The following CDH16 variants were observed in gnomAD, a reference collection of about 807,000 sequenced individuals.
CDH16 encodes the protein cadherin-16.
CDH16 carries 79 observed loss-of-function variants against 87.6 expected under a neutral mutation model. The ratio of observed to expected loss-of-function variants is 0.90; its 90% confidence interval spans 0.75 to 1.09. CDH16 has a LOEUF of 1.09. Among genes scored for constraint, CDH16 ranks in the 50% least tolerant of loss-of-function variants. The probability of loss-of-function intolerance (pLI) is 0.00; values close to 1 mark genes in which losing one functional copy is unlikely to be tolerated. For missense variants in CDH16, 1,124 were observed against 1,071.7 expected, an observed-to-expected ratio of 1.05 and a Z score of -0.68; for synonymous variants, 457 against 439.5, an observed-to-expected ratio of 1.04 and a Z score of -0.50.
In CDH16 at chr16:66,916,282, G is replaced by C; in HGVS notation, c.277C>G (p.Gln93Glu). Residue 93 changes from glutamine to glutamate, a missense_variant, in exon 4 of 18, where the codon CAG becomes GAG. By Grantham distance (29) the Gln-to-Glu change is conservative. Transcript: ENST00000299752. This position sits in a 1 kb window ranked among gnomAD's most constrained non-coding sequence, Gnocchi z 4.1. ...ACCTGGCCCAGCCATACCTGTAGCT[G>C]GTACTCTGCCTGCTCCTCTCGGTCC... Reference protein sequence around the residue: ...ALDREEQAEYQLQVTLEMQDG... With the variant: ...ALDREEQAEYELQVTLEMQDG... 6.2e-7 allele frequency: 1 copy of C among 1,613,724 alleles called. No homozygotes were observed. The highest frequency in any genetic ancestry group is 8.5e-7 in the Non-Finnish European group (1 of 1,179,618).
intron 8 of CDH16, 48 bp downstream of exon 8, chr16:66,913,443 C>G (rs776189539): frequency 6.2e-7 from 1 of 1,611,668 alleles, no homozygotes; most frequent in South Asian, 1.1e-5. Context: ...CAACTGGACA[C>G]TGACCAAGCA....
At chr16:66,914,006 G>A (rs1002223477) in intron 7 of CDH16, among the ~76,000 whole-genome samples, 7 of 152,348 alleles carry the variant, frequency 4.6e-5, no homozygotes, top group African/African-American at 1.7e-4. Context: ...ACAGAGTCAC[G>A]CCTGCTAGAG....
chr16:66,914,840 T>C (rs1962607594), intron 6 of CDH16, among the ~76,000 whole-genome samples: 1 of 152,160 alleles, frequency 6.6e-6, no homozygotes, highest in African/African-American at 2.4e-5. Flanking sequence ...CTGGCTATGA[T>C]GATGCCTGAT....
In CDH16 at chr16:66,914,280, A is replaced by T; in HGVS notation, c.716T>A (p.Val239Glu). Reference protein sequence around the residue: ...VEVSIIESTWVSLEPIHLAEN... With the variant: ...VEVSIIESTWESLEPIHLAEN... ...TGCCAGGTGGATAGGCTCTAGGGAC[A>T]CCCAGGTGCTCTCTATGATGGAGAC... Residue 239 changes from valine to glutamate, a missense_variant, in exon 7 of 18, where the codon GTG becomes GAG. By Grantham distance (121) the Val-to-Glu change is moderately radical (BLOSUM62 -2). Transcript: ENST00000299752. The T allele has an allele frequency of 6.2e-7, 1 of 1,614,184 alleles. No homozygotes were observed. Among genetic ancestry groups the T allele is most frequent in the African/African-American group, 1.3e-5 (1 of 75,044 alleles).
intron 5 of CDH16, among the ~76,000 whole-genome samples, 144 bp downstream of exon 5, chr16:66,915,907 GAAAAAAAGAAAAGA>G (rs1032525694): frequency 3.4e-4 from 51 of 150,354 alleles, no homozygotes; most frequent in Middle Eastern, 3.5e-3. Flanking sequence ...TCAAAAAAAA[GAAAAAAAGAAAAGA>G]AAAAAGAGAA....
rs112552212 is a variant in CDH16, at chr16:66,912,991, C to CGTGTGTGTGTGT, written c.1055-112_1055-101dup. 10 of 1,115,070 alleles carry CGTGTGTGTGTGT rather than the reference C, an allele frequency of 9.0e-6. No individual in the cohort carries two copies. The African/African-American group carries it at 1.1e-4, about 12-fold the overall frequency. 69.1% of individuals were successfully genotyped at this position (1,115,070 alleles called of 1,614,324 possible). ...TGCCAAACTAAACTGAATTTGAGCT[C>CGTGTGTGTGTGT]GTGTGTGTGTGTGTGTGTGTGTGTG... On this transcript the variant is annotated intron_variant, in intron 9 of 17. Coordinates refer to ENST00000299752, the MANE Select transcript of CDH16 (RefSeq NM_004062.4).
chr16:66,910,260 CA>C lies in CDH16; in HGVS notation c.2166del (p.Asn722LysfsTer20). The C allele has an allele frequency of 6.3e-7, 1 of 1,595,046 alleles. No homozygotes were observed. Among genetic ancestry groups the C allele is most frequent in the Non-Finnish European group, 8.5e-7 (1 of 1,169,598 alleles). The stretch of plus-strand genomic sequence containing the variant: ...CTCCCTCCCTTTCCCCACCACACAC[CA>C]TTGAGAGTCTGGAGGCGCCAATCCC... Reference protein sequence around the residue: ...VQRDWRLQTLNGSHAYLTLAL... With the variant: ...VQRDWRLQTLXGSHAYLTLAL... On this transcript the variant is annotated frameshift_variant and splice_region_variant, in exon 15 of 18. Transcript: ENST00000299752. LOFTEE classifies it high-confidence loss of function.
Position 66,909,888 on chromosome 16 carries a change from T to C in CDH16, c.2275+98A>G, listed in dbSNP as rs1962330505. The C allele has an allele frequency of 3.5e-5, 30 of 852,770 alleles. No homozygotes were observed. In the South Asian group the frequency reaches 4.6e-4, roughly 13 times the overall value. The allele number at this position is 852,770 out of a possible 1,614,324, so 52.8% of individuals were successfully genotyped here. A position where few individuals can be genotyped will look rare whatever the true frequency, so the allele number is the denominator to read the frequency against. On this transcript the variant is annotated intron_variant, in intron 16 of 17. Coordinates refer to ENST00000299752, the MANE Select transcript of CDH16 (RefSeq NM_004062.4). This position sits in a 1 kb window ranked among gnomAD's most constrained non-coding sequence, Gnocchi z 4.1. ...TGCAAGTGTGCACAGGCATGTGCTG[T>C]CCACATGAGCAGCCTGTATGCATGT...
Position 66,911,937 on chromosome 16 carries a change from C to G in CDH16, c.1752G>C (p.Leu584=). Residue 584 remains leucine, a synonymous_variant, in exon 13 of 18, where the codon CTG becomes CTC. Coordinates refer to ENST00000299752, the MANE Select transcript of CDH16 (RefSeq NM_004062.4). The part of the protein sequence containing the change: ...PISAPAGSFL[L]TIQPSDPISR... ...TGATGGGGTCGGAGGGCTGGATGGT[C>G]AGCAGGAAAGAGCCGGCTGGGGCAC... 6.2e-7 allele frequency: 1 copy of G among 1,611,612 alleles called. No individual in the cohort carries two copies. The highest frequency in any genetic ancestry group is 8.5e-7 in the Non-Finnish European group (1 of 1,178,156).
At chr16:66,917,789 A>G (rs1962752730) in intron 2 of CDH16, 64 bp from the exon 3 acceptor site, 2 of 1,408,386 alleles carry the variant, frequency 1.4e-6, no homozygotes, top group East Asian at 2.4e-5. Flanking sequence ...GAGACCCAAC[A>G]GAAGAGCGGA....
chr16:66,909,929 C>G lies in CDH16; in HGVS notation c.2275+57G>C. The stretch of plus-strand genomic sequence containing the variant: ...GTATGCATGTGTACCAGCTCCCTCC[C>G]CTTGCATCCCAGCGGTTCCCTCAGG... On this transcript the variant is annotated intron_variant, in intron 16 of 17. Transcript: ENST00000299752. This position sits in a 1 kb window ranked among gnomAD's most constrained non-coding sequence, Gnocchi z 4.1. 1 of 1,286,368 alleles carries G rather than the reference C, an allele frequency of 7.8e-7. No individual in the cohort carries two copies. Among genetic ancestry groups the G allele is most frequent in the Non-Finnish European group, 1.1e-6 (1 of 906,048 alleles). The allele number at this position is 1,286,368 out of a possible 1,614,324, so 79.7% of individuals were successfully genotyped here. A position where few individuals can be genotyped will look rare whatever the true frequency, so the allele number is the denominator to read the frequency against.
chr16:66,912,192 C>T lies in CDH16; in HGVS notation c.1548+50G>A, dbSNP rs1341434747. 4 of 1,600,692 alleles carry T rather than the reference C, an allele frequency of 2.5e-6. No individual in the cohort carries two copies. In the Admixed American group the frequency reaches 5.1e-5, roughly 20 times the overall value. On this transcript the variant is annotated intron_variant, in intron 12 of 17. Transcript: ENST00000299752. ...TGCGGGCCTGGGCAAGGCACATGTG[C>T]ATGCATGCGTGCATGTGTGGGCCCC...
At chr16:66,912,200 C>T (rs558252311) in intron 12 of CDH16, 42 bp downstream of exon 12, 21 of 1,598,964 alleles carry the variant, frequency 1.3e-5, no homozygotes, top group South Asian at 4.5e-5. Flanking sequence ...TGCATGCATG[C>T]GTGCATGTGT....
chr16:66,913,574 T>C lies in CDH16; in HGVS notation c.820A>G (p.Ser274Gly), dbSNP rs145138274. The C allele has an allele frequency of 5.6e-6, 9 of 1,613,920 alleles. No individual in the cohort carries two copies. In the African/African-American group the frequency reaches 1.2e-4, roughly 22 times the overall value. The change falls in exon 8 of 18, where the codon AGC (serine) becomes GGC (glycine). Residue 274 changes from serine to glycine, a missense_variant. Coordinates refer to ENST00000299752, the MANE Select transcript of CDH16 (RefSeq NM_004062.4). ...SGGDVHYHLE[S>G]HPPGPFEVNA... ...ACTTCAAAGGGTCCCGGGGGATGGCTCTCCAGGTGATAGTGCACATCACCC... is the reference window on the plus strand; with the variant it reads ...ACTTCAAAGGGTCCCGGGGGATGGCCCTCCAGGTGATAGTGCACATCACCC...
In CDH16 at chr16:66,913,188, C is replaced by A; in HGVS notation, c.997G>T (p.Val333Leu). 1 of 1,605,966 alleles carries A rather than the reference C, an allele frequency of 6.2e-7. No homozygotes were observed. Among genetic ancestry groups the A allele is most frequent in the Non-Finnish European group, 8.5e-7 (1 of 1,176,218 alleles). Residue 333 changes from valine (V) to leucine (L), a missense_variant, in exon 9 of 18, where the codon GTG becomes TTG. Coordinates refer to ENST00000299752, the MANE Select transcript of CDH16 (RefSeq NM_004062.4). ...GGGTCACGGGGAGGGCAGATAGGCACGTTGTCATTCTCATCCATCACCAGC... is the reference window on the plus strand; with the variant it reads ...GGGTCACGGGGAGGGCAGATAGGCAAGTTGTCATTCTCATCCATCACCAGC... ...HVLVMDENDN[V>L]PICPPRDPTV...
intron 1 of CDH16, among the ~76,000 whole-genome samples, 167 bp downstream of exon 1, chr16:66,918,637 C>T (rs1962796371): frequency 1.3e-5 from 2 of 152,198 alleles, no homozygotes; most frequent in South Asian, 4.1e-4. Flanking sequence ...CATTTTCCAG[C>T]CCTTGTCATG....
At chr16:66,915,915 G>T in intron 5 of CDH16, 150 bp downstream of exon 5, 2 of 987,520 alleles carry the variant, frequency 2.0e-6, no homozygotes, top group Non-Finnish European at 1.5e-6. Context: ...AAGAAAAAAA[G>T]AAAAGAAAAA....
chr16:66,917,133 A>G (rs1005107170), intron 3 of CDH16, among the ~76,000 whole-genome samples: 3 of 88,982 alleles, frequency 3.4e-5, no homozygotes, highest in African/African-American at 2.8e-4. Context: ...TAAAAATACA[A>G]AAAAAAAAAA....
intron 2 of CDH16, 98 bp from the exon 3 acceptor site, chr16:66,917,823 G>T: frequency 8.7e-7 from 1 of 1,147,332 alleles, no homozygotes. Flanking sequence ...CCCAGGGCCT[G>T]GCTGTACCTT....
Sources: allele counts gnomAD v4.1 joint callset (sites outside exome capture counted in the v4.1 genomes callset), GRCh38; gene constraint gnomAD v4.1.1; non-coding constraint Gnocchi (gnomAD v3.1); transcripts MANE v1.5; gene names NCBI Gene and HGNC (gene_info 2026-07-23, HGNC 2026-07-21).